Variants in KIAA1328 observed in about 807,000 individuals in gnomAD.
KIAA1328 encodes protein hinderin.
A neutral mutation model predicts 68.1 loss-of-function variants in KIAA1328; 52 were observed. The observed-to-expected ratio is 0.76, with a 90% confidence interval of 0.61 to 0.96. The LOEUF is 0.96. Ranked by LOEUF, KIAA1328 falls within the 40% of genes least tolerant of loss-of-function variation. The pLI, the probability that KIAA1328 is intolerant of heterozygous loss-of-function variation, is 0.00. For missense variants in KIAA1328, 641 were observed against 677.6 expected (o/e 0.95, Z 0.60); for synonymous variants, 232 against 239.4 (o/e 0.97, Z 0.28).
chr18:36,920,406 A>G (rs954736594), intron 5 of KIAA1328, among the ~76,000 whole-genome samples: 2 of 151,978 alleles, frequency 1.3e-5, no homozygotes, highest in African/African-American at 2.4e-5. Flanking sequence ...CCATTGGTCT[A>G]TGTGTCTTTT....
At chr18:37,153,434 G>C (rs1160928889) in intron 7 of KIAA1328, among the ~76,000 whole-genome samples, 2 of 152,008 alleles carry the variant, frequency 1.3e-5, no homozygotes, top group Non-Finnish European at 2.9e-5. Flanking sequence ...TATATCTATG[G>C]AAAGAGAAGA....
chr18:37,143,051 C>T (rs758018603), intron 7 of KIAA1328, among the ~76,000 whole-genome samples: 3 of 151,546 alleles, frequency 2.0e-5, no homozygotes, highest in Non-Finnish European at 4.4e-5. Flanking sequence ...GCCTCCCAGG[C>T]TCAAGCAATT....
intron 7 of KIAA1328, among the ~76,000 whole-genome samples, chr18:37,121,785 G>A (rs570731366): frequency 6.6e-6 from 1 of 152,208 alleles, no homozygotes; most frequent in South Asian, 2.1e-4. Context: ...ACTTTCATTG[G>A]ACCTTAAGTT....
intron 4 of KIAA1328, among the ~76,000 whole-genome samples, chr18:36,845,101 T>G (rs1364306251): frequency 6.6e-6 from 1 of 151,750 alleles, no homozygotes; most frequent in Non-Finnish European, 1.5e-5. Flanking sequence ...ATTACCTTAC[T>G]CTAAGTCATA....
At chr18:37,208,716 C>T (rs1462930210) in intron 9 of KIAA1328, among the ~76,000 whole-genome samples, 2 of 152,128 alleles carry the variant, frequency 1.3e-5, no homozygotes, top group African/African-American at 4.8e-5. Flanking sequence ...GTAAAGGAAG[C>T]ATTGACCTGA....
At chr18:37,027,694 T>G (rs1376258590) in intron 6 of KIAA1328, among the ~76,000 whole-genome samples, 1 of 152,160 alleles carries the variant, frequency 6.6e-6, no homozygotes, top group African/African-American at 2.4e-5. Context: ...GATCCCTTCC[T>G]TACCCCTTAT....
chr18:36,997,137 G>T (rs556240650), intron 6 of KIAA1328, among the ~76,000 whole-genome samples: 15 of 152,218 alleles, frequency 9.9e-5, no homozygotes, highest in African/African-American at 3.6e-4. Flanking sequence ...TTTAAAGGAA[G>T]ACTAGTAGAC....
At chr18:36,864,287 C>G (rs1402652781) in intron 4 of KIAA1328, among the ~76,000 whole-genome samples, 2 of 151,442 alleles carry the variant, frequency 1.3e-5, no homozygotes, top group African/African-American at 4.8e-5. Flanking sequence ...ACCTGTAGTG[C>G]CTCACTTGTT....
At chr18:36,949,595 G>GCCCCCCCCCCCCCCCCCCC (rs1241515530) in intron 5 of KIAA1328, among the ~76,000 whole-genome samples, 1 of 38,974 alleles carries the variant, frequency 2.6e-5, no homozygotes, top group Admixed American at 2.5e-4. Flanking sequence ...TTTCTACCCA[G>GCCCCCCCCCCCCCCCCCCC]CTCCCCCCCC....
At chr18:36,835,470 T>C in intron 3 of KIAA1328, 94 bp downstream of exon 3, 3 of 1,146,452 alleles carry the variant, frequency 2.6e-6, no homozygotes, top group Non-Finnish European at 3.7e-6. Flanking sequence ...GTATACTAGG[T>C]GATCAACAAA....
At chr18:37,064,817 G>A (rs1458411651) in intron 6 of KIAA1328, among the ~76,000 whole-genome samples, 2 of 152,044 alleles carry the variant, frequency 1.3e-5, no homozygotes, top group African/African-American at 4.8e-5. Context: ...AATACAGGTG[G>A]CCACTAGAAG....
intron 4 of KIAA1328, among the ~76,000 whole-genome samples, chr18:36,860,563 A>G (rs1178444027): frequency 6.6e-6 from 1 of 152,166 alleles, no homozygotes; most frequent in East Asian, 1.9e-4. Context: ...TAGCTTTTCT[A>G]AACAGTGCAA....
intron 6 of KIAA1328, among the ~76,000 whole-genome samples, chr18:36,978,917 C>G (rs1051994521): frequency 1.3e-5 from 2 of 152,144 alleles, no homozygotes; most frequent in Non-Finnish European, 2.9e-5. Flanking sequence ...AATCTCAGCA[C>G]TTTGGAAGGC....
At chr18:37,116,053 A>G (rs1285277997) in intron 7 of KIAA1328, among the ~76,000 whole-genome samples, 2 of 152,258 alleles carry the variant, frequency 1.3e-5, no homozygotes, top group African/African-American at 4.8e-5. Flanking sequence ...CATGGGCAGG[A>G]AAAATCAATA....
intron 6 of KIAA1328, among the ~76,000 whole-genome samples, chr18:37,057,283 A>G (rs1170131640): frequency 1.3e-5 from 2 of 152,128 alleles, no homozygotes; most frequent in Non-Finnish European, 2.9e-5. Context: ...AGCAGGTCAT[A>G]TATAGCCCAC....
At chr18:36,906,419 A>G (rs2049224375) in intron 5 of KIAA1328, among the ~76,000 whole-genome samples, 1 of 152,170 alleles carries the variant, frequency 6.6e-6, no homozygotes, top group Admixed American at 6.5e-5. Context: ...CTTTTGCAGA[A>G]TGCTATATAA....
At chr18:37,150,955 C>A (rs1245810821) in intron 7 of KIAA1328, among the ~76,000 whole-genome samples, 1 of 152,062 alleles carries the variant, frequency 6.6e-6, no homozygotes, top group Admixed American at 6.6e-5. Context: ...CTGGGAGGTT[C>A]TGGTGTGATC....
At chr18:37,172,444 A>G (rs564961514) in intron 8 of KIAA1328, among the ~76,000 whole-genome samples, 10 of 152,308 alleles carry the variant, frequency 6.6e-5, no homozygotes, top group African/African-American at 2.2e-4. Context: ...AGGATAAACT[A>G]TTGCTTAGGA....
At chr18:36,938,245 A>G (rs1008066714) in intron 5 of KIAA1328, among the ~76,000 whole-genome samples, 8 of 152,236 alleles carry the variant, frequency 5.3e-5, no homozygotes, top group Admixed American at 2.0e-4. Flanking sequence ...CCTTTTCTCT[A>G]TATCCTCACC....
Sources: gnomAD v4.1 joint callset for allele counts (sites outside exome capture counted in the v4.1 genomes callset) on GRCh38, gnomAD v4.1.1 for gene constraint, MANE v1.5 for transcripts, NCBI Gene and HGNC (gene_info 2026-07-23, HGNC 2026-07-21) for gene names.